Variants in PSD3 observed in about 807,000 individuals in gnomAD.
PSD3 encodes the protein PH and SEC7 domain-containing protein 3.
A neutral mutation model predicts 105.5 loss-of-function variants in PSD3; 49 were observed. The observed-to-expected ratio is 0.46, with a 90% CI of 0.37 to 0.59. The LOEUF is 0.59. PSD3 is among the 20% of genes least tolerant of loss of function. The pLI is 0.00. For missense variants in PSD3, 1,561 were observed against 1,263.8 expected (o/e 1.24, Z -3.57); for synonymous variants, 557 against 457.8 (o/e 1.22, Z -2.77).
chr8:18,822,775 T>C (rs1033806973), intron 4 of PSD3, among the ~76,000 whole-genome samples: 4 of 152,178 alleles, frequency 2.6e-5, no homozygotes, highest in Non-Finnish European at 5.9e-5. Context: ...CACGGAAAAG[T>C]CATATGCTGA....
Position 18,871,853 on chromosome 8 carries a change from A to G in PSD3, c.1011T>C (p.Ser337=), listed in dbSNP as rs2129457452. 6.2e-7 allele frequency: 1 copy of G among 1,614,220 alleles called. No homozygotes were observed. The highest frequency in any genetic ancestry group is 2.2e-5 in the East Asian group (1 of 44,888). ...AGATGAGATGGCGTGGCACTTTGGAAGACTCTTTGCTGTCAGGAGAGGCTG... is the reference window on the plus strand; with the variant it reads ...AGATGAGATGGCGTGGCACTTTGGAGGACTCTTTGCTGTCAGGAGAGGCTG... ...QRTASPDSKE[S]SKVPRHLISS... is the part of the protein sequence containing the mutation. The change falls in exon 3 of 16, where the codon TCT becomes TCC. Residue 337 remains serine, a synonymous_variant. Coordinates refer to ENST00000327040, the MANE Select transcript of PSD3 (RefSeq NM_015310.4).
chr8:18,593,384 C>T (rs1803757756), intron 12 of PSD3, among the ~76,000 whole-genome samples: 1 of 152,210 alleles, frequency 6.6e-6, no homozygotes, highest in African/African-American at 2.4e-5. Flanking sequence ...TGCTCATCAT[C>T]ACTGGCCATC....
chr8:18,870,683 C>CAA (rs11367308), intron 3 of PSD3, among the ~76,000 whole-genome samples: 1 of 124,240 alleles, frequency 8.0e-6, no homozygotes, highest in African/African-American at 2.9e-5. Context: ...GTATAATTTA[C>CAA]AAAAAAAAAA....
intron 2 of PSD3, among the ~76,000 whole-genome samples, chr8:18,902,068 A>G (rs1334137624): frequency 6.6e-6 from 1 of 152,196 alleles, no homozygotes; most frequent in Non-Finnish European, 1.5e-5. Flanking sequence ...GACTTTTGAG[A>G]TTCCTGGCTC....
chr8:18,680,664 C>A (rs1585600914), intron 9 of PSD3, among the ~76,000 whole-genome samples: 1 of 152,128 alleles, frequency 6.6e-6, no homozygotes, highest in Admixed American at 6.6e-5. Context: ...GCCACACTCT[C>A]TCTAGAGGAA....
intron 9 of PSD3, among the ~76,000 whole-genome samples, chr8:18,697,044 A>C (rs141640325): frequency 1.7e-4 from 5 of 29,058 alleles, no homozygotes; most frequent in Non-Finnish European, 4.6e-4. Context: ...GGGGTTTGAG[A>C]CCAGCCTGGG....
At chr8:18,848,950 T>C (rs576362973) in intron 4 of PSD3, among the ~76,000 whole-genome samples, 17 of 152,326 alleles carry the variant, frequency 1.1e-4, no homozygotes, top group Non-Finnish European at 2.2e-4. Flanking sequence ...AGTCAATCAA[T>C]GATGAATTCA....
In PSD3 at chr8:18,854,939, C is replaced by T. The variant is rs576889644; in HGVS notation, c.1634+12735G>A. On this transcript the variant is annotated intron_variant, in intron 4 of 15. Transcript: ENST00000327040. ...GACACGTAAGTGGCCAGGCAACACA[C>T]ACAGCTGTCAGACACAGGCAACAAC... 1.1e-3 allele frequency among the ~76,000 whole-genome samples: 174 copies of T among 152,332 alleles called. 1 individual carries two copies. The highest frequency in any genetic ancestry group is 4.0e-3 in the African/African-American group (166 of 41,574).
intron 9 of PSD3, among the ~76,000 whole-genome samples, chr8:18,748,044 C>G (rs1226466899): frequency 6.6e-6 from 1 of 152,118 alleles, no homozygotes; most frequent in Non-Finnish European, 1.5e-5. Flanking sequence ...AATTGCTGAT[C>G]TCTCATAAAA....
intron 15 of PSD3, among the ~76,000 whole-genome samples, chr8:18,550,127 G>A (rs1800675452): frequency 6.6e-6 from 1 of 152,150 alleles, no homozygotes; most frequent in East Asian, 1.9e-4. Context: ...AGGCATTTCA[G>A]TAAATGATTG....
chr8:18,638,055 C>A (rs1807394828), intron 10 of PSD3, among the ~76,000 whole-genome samples: 1 of 150,210 alleles, frequency 6.7e-6, no homozygotes, highest in Non-Finnish European at 1.5e-5. Context: ...ACTTGGGAGG[C>A]TGAAGCAGAG....
At chr8:18,853,684 A>G (rs1815772383) in intron 4 of PSD3, among the ~76,000 whole-genome samples, 1 of 152,192 alleles carries the variant, frequency 6.6e-6, no homozygotes, top group Admixed American at 6.5e-5. Flanking sequence ...ATATACCAAA[A>G]TAAGAATGAT....
chr8:18,734,231 T>C (rs1435855738), intron 9 of PSD3: 4 of 152,192 alleles, frequency 2.6e-5, no homozygotes, highest in Admixed American at 6.5e-5. Flanking sequence ...TTACTTTTTG[T>C]TTCAAAGCCC....
At chr8:18,572,302 G>A (rs1802192816) in intron 14 of PSD3, among the ~76,000 whole-genome samples, 1 of 152,244 alleles carries the variant, frequency 6.6e-6, no homozygotes, top group East Asian at 1.9e-4. Flanking sequence ...CTTAGAAACT[G>A]AATCAAAGTA....
chr8:18,915,486 C>T (rs779516044), intron 2 of PSD3, among the ~76,000 whole-genome samples: 1 of 152,242 alleles, frequency 6.6e-6, no homozygotes, highest in Non-Finnish European at 1.5e-5. Context: ...GATATAAATA[C>T]ATATATACAT....
At chr8:18,583,442 T>C (rs538001387) in intron 12 of PSD3, among the ~76,000 whole-genome samples, 8 of 152,030 alleles carry the variant, frequency 5.3e-5, no homozygotes, top group Non-Finnish European at 1.0e-4. Flanking sequence ...AAAAAATAAG[T>C]AAAATAATCA....
chr8:18,917,904 T>C (rs766877722), intron 2 of PSD3, among the ~76,000 whole-genome samples: 1 of 152,132 alleles, frequency 6.6e-6, no homozygotes, highest in Non-Finnish European at 1.5e-5. Context: ...AAGCCACCGG[T>C]GTGTGGGTGT....
intron 14 of PSD3, among the ~76,000 whole-genome samples, chr8:18,560,239 C>CAAAAAACAATGGT (rs1469360034): frequency 6.7e-6 from 1 of 150,150 alleles, no homozygotes; most frequent in East Asian, 1.9e-4. Flanking sequence ...GCAACAACAA[C>CAAAAAACAATGGT]AAAAAACAAT....
intron 1 of PSD3, among the ~76,000 whole-genome samples, chr8:18,972,500 G>A (rs1824712764): frequency 6.6e-6 from 1 of 152,188 alleles, no homozygotes; most frequent in Admixed American, 6.5e-5. Context: ...CAACAAAACA[G>A]TACCTCCACC....
Sources: gnomAD v4.1 joint callset for allele counts (sites outside exome capture counted in the v4.1 genomes callset) on GRCh38, gnomAD v4.1.1 for gene constraint, MANE v1.5 for transcripts, NCBI Gene and HGNC (gene_info 2026-07-23, HGNC 2026-07-21) for gene names.